ADAMTS12: variants seen among roughly 807,000 people sequenced by gnomAD.
ADAMTS12 encodes A disintegrin and metalloproteinase with thrombospondin motifs 12.
In ADAMTS12, 118 loss-of-function variants were observed where a neutral mutation model predicts 167.8. The ratio of observed to expected loss-of-function variants is 0.70; its 90% confidence interval spans 0.61 to 0.82. ADAMTS12 has a LOEUF of 0.82. Among genes scored for constraint, ADAMTS12 ranks in the 40% least tolerant of loss-of-function variants. The probability of loss-of-function intolerance (pLI) is 0.00; values close to 1 mark genes in which losing one functional copy is unlikely to be tolerated. For synonymous variants in ADAMTS12, 704 were observed against 716.9 expected (o/e 0.98, Z 0.29); for missense variants, 1,916 against 1,998.8 (o/e 0.96, Z 0.79).
rs185141176 is a variant in ADAMTS12, at chr5:33,782,048, T to C, written c.490-30500A>G. Among the ~76,000 whole-genome samples the C allele has an allele frequency of 1.3e-3, 194 of 152,202 alleles. 1 individual carries two copies. The highest frequency in any genetic ancestry group is 4.4e-3 in the African/African-American group (183 of 41,524). ...CCTTAACCTCATCTTGAATTGTCTC[T>C]GCTTGAGTACACAGCAATAAATAAA... On this transcript the variant is annotated intron_variant, in intron 2 of 23. Transcript: ENST00000504830.
intron 12 of ADAMTS12, among the ~76,000 whole-genome samples, chr5:33,631,552 T>G (rs1181274950): frequency 6.6e-6 from 1 of 152,152 alleles, no homozygotes; most frequent in African/African-American, 2.4e-5. Flanking sequence ...CTGAATCCAT[T>G]CTAAGGTTCA....
At chr5:33,627,423 T>C (rs1355555325) in intron 13 of ADAMTS12, among the ~76,000 whole-genome samples, 4 of 146,420 alleles carry the variant, frequency 2.7e-5, no homozygotes, top group Non-Finnish European at 6.0e-5. Context: ...GATGGTTGGG[T>C]GATAATGGTG....
chr5:33,878,814 G>A (rs1442035744), intron 2 of ADAMTS12, among the ~76,000 whole-genome samples: 1 of 152,188 alleles, frequency 6.6e-6, no homozygotes, highest in African/African-American at 2.4e-5. Context: ...AAACATCTAG[G>A]CTGTGGGGTT....
chr5:33,570,140 G>A (rs749978637), intron 19 of ADAMTS12, among the ~76,000 whole-genome samples: 6 of 152,190 alleles, frequency 3.9e-5, no homozygotes, highest in East Asian at 1.9e-4. Context: ...TGAAAGTGAC[G>A]GGGAGAATGG....
intron 5 of ADAMTS12, among the ~76,000 whole-genome samples, chr5:33,670,776 A>G (rs546998782): frequency 2.6e-5 from 4 of 152,220 alleles, no homozygotes; most frequent in Non-Finnish European, 2.9e-5. Flanking sequence ...AAAACCCTAC[A>G]TAGGCAATGA....
rs549508484 is a variant in ADAMTS12, at chr5:33,779,066, A to T, written c.490-27518T>A. On this transcript the variant is annotated intron_variant, in intron 2 of 23. Coordinates refer to ENST00000504830, the MANE Select transcript of ADAMTS12 (RefSeq NM_030955.4). The stretch of plus-strand genomic sequence containing the variant: ...CTTGCACGCTGTTAGTGGGGATGTA[A>T]ATTAGAACAGCCATTATAGAAAACA... 5.9e-5 allele frequency among the ~76,000 whole-genome samples: 9 copies of T among 152,284 alleles called. No individual in the cohort carries two copies. The South Asian group carries it at 1.4e-3, about 25-fold the overall frequency.
At chr5:33,887,141 T>C (rs1222696336) in intron 1 of ADAMTS12, among the ~76,000 whole-genome samples, 1 of 152,092 alleles carries the variant, frequency 6.6e-6, no homozygotes, top group East Asian at 1.9e-4. Flanking sequence ...AGAGGAGATA[T>C]GACAGCGATG....
At chr5:33,724,780 T>C (rs545127860) in intron 3 of ADAMTS12, among the ~76,000 whole-genome samples, 1 of 152,070 alleles carries the variant, frequency 6.6e-6, no homozygotes, top group Admixed American at 6.5e-5. Context: ...ATCGATCTCC[T>C]GACCTTGTGA....
intron 2 of ADAMTS12, among the ~76,000 whole-genome samples, chr5:33,815,256 T>C (rs896646632): frequency 6.6e-6 from 1 of 152,210 alleles, no homozygotes; most frequent in African/African-American, 2.4e-5. Context: ...TCTGTTCCCA[T>C]TAAAGTCATA....
intron 21 of ADAMTS12, among the ~76,000 whole-genome samples, 184 bp from the exon 22 acceptor site, chr5:33,546,386 AG>A (rs997539843): frequency 6.6e-6 from 1 of 151,174 alleles, no homozygotes. Flanking sequence ...AAAAAAAAAA[AG>A]GGGGGGAAAC....
Position 33,637,766 on chromosome 5 carries a change from G to T in ADAMTS12, c.1719-20C>A, listed in dbSNP as rs768505459. The T allele has an allele frequency of 1.9e-6, 3 of 1,609,774 alleles. No homozygotes were observed. The highest frequency in any genetic ancestry group is 2.5e-6 in the Non-Finnish European group (3 of 1,177,650). Reference sequence around the variant, plus strand: ...TTTGGCCTGCAAATGAAACAGACAAGCTTTTCTTTTAGTTTGCTTCAACGC... The same window carrying T: ...TTTGGCCTGCAAATGAAACAGACAATCTTTTCTTTTAGTTTGCTTCAACGC... On this transcript the variant is annotated intron_variant, in intron 11 of 23. Transcript: ENST00000504830.
At chr5:33,659,238 G>T (rs533944911) in intron 6 of ADAMTS12, among the ~76,000 whole-genome samples, 1 of 152,068 alleles carries the variant, frequency 6.6e-6, no homozygotes, top group African/African-American at 2.4e-5. Flanking sequence ...CAATGGCTGG[G>T]GTAATAGGAC....
rs778505962 is a variant in ADAMTS12, at chr5:33,616,020, C to T, written c.2196G>A (p.Met732Ile). 1 of 1,614,186 alleles carries T rather than the reference C, an allele frequency of 6.2e-7. No homozygotes were observed. Among genetic ancestry groups the T allele is most frequent in the Non-Finnish European group, 8.5e-7 (1 of 1,180,014 alleles). Residue 732 changes from methionine to isoleucine, a missense_variant, in exon 15 of 24, where the codon ATG (methionine) becomes ATA (isoleucine). Coordinates refer to ENST00000504830, the MANE Select transcript of ADAMTS12 (RefSeq NM_030955.4). Reference protein sequence around the residue: ...IPKGARDIRVMEIEGAGNFLA... With the variant: ...IPKGARDIRVIEIEGAGNFLA... ...GGAAGTTTCCAGCTCCCTCAATTTC[C>T]ATCACTCTTATGTCCCTTGCTCCTT...
intron 3 of ADAMTS12, among the ~76,000 whole-genome samples, chr5:33,708,931 A>G (rs2112312766): frequency 6.6e-6 from 1 of 152,240 alleles, no homozygotes; most frequent in South Asian, 2.1e-4. Flanking sequence ...TGTATCCCAG[A>G]ACTTAAAGTA....
At chr5:33,604,012 G>A (rs1738308255) in intron 16 of ADAMTS12, among the ~76,000 whole-genome samples, 1 of 152,132 alleles carries the variant, frequency 6.6e-6, no homozygotes, top group African/African-American at 2.4e-5. Flanking sequence ...CTCATCAAGA[G>A]TGAATGCAGT....
chr5:33,789,371 T>A (rs1470315033), intron 2 of ADAMTS12, among the ~76,000 whole-genome samples: 3 of 152,178 alleles, frequency 2.0e-5, no homozygotes. Context: ...GAGTGAGCCA[T>A]CTCCAAGGAG....
chr5:33,531,788 A>G (rs980940625), intron 23 of ADAMTS12, among the ~76,000 whole-genome samples: 11 of 152,184 alleles, frequency 7.2e-5, no homozygotes, highest in Non-Finnish European at 1.0e-4. Flanking sequence ...TGAGATCAAG[A>G]GCCTTGCTTT....
At chr5:33,554,012 A>C (rs1745378641) in intron 20 of ADAMTS12, among the ~76,000 whole-genome samples, 1 of 152,198 alleles carries the variant, frequency 6.6e-6, no homozygotes, top group South Asian at 2.1e-4. Flanking sequence ...TTTGCAATCT[A>C]GCTGAGGCAG....
Position 33,800,900 on chromosome 5 carries a change from A to T in ADAMTS12, c.490-49352T>A, listed in dbSNP as rs76072349. Among the ~76,000 whole-genome samples, 1,206 of 152,308 alleles carry T rather than the reference A, an allele frequency of 7.9e-3. 19 individuals carry two copies. The highest frequency in any genetic ancestry group is 0.028 in the African/African-American group (1,170 of 41,566). On this transcript the variant is annotated intron_variant, in intron 2 of 23. Coordinates refer to ENST00000504830, the MANE Select transcript of ADAMTS12 (RefSeq NM_030955.4). ...TGTTAACTTATATAACAACCAAAAA[A>T]AGGATTTTTCAGGTATAATTAAGCA... is the stretch of plus-strand genomic sequence containing the variant.
Sources: allele counts gnomAD v4.1 joint callset (sites outside exome capture counted in the v4.1 genomes callset), GRCh38; gene constraint gnomAD v4.1.1; transcripts MANE v1.5; gene names NCBI Gene and HGNC (gene_info 2026-07-23, HGNC 2026-07-21).